CDH22: variants seen among roughly 807,000 people sequenced by gnomAD.
The protein encoded by CDH22 is cadherin 22, also known as cadherin-22.
A neutral mutation model predicts 58.4 loss-of-function variants in CDH22; 30 were observed. That is an observed-to-expected ratio of 0.51 (90% CI 0.38 to 0.70). The LOEUF is 0.70. Among genes scored for constraint, CDH22 ranks in the 30% least tolerant of loss-of-function variants. The pLI is 0.00. For synonymous variants in CDH22, 513 were observed against 558.2 expected (o/e 0.92, Z 1.14); for missense variants, 1,014 against 1,233.9 (o/e 0.82, Z 2.67).
chr20:46,235,921 C>G (rs572887750), intron 3 of CDH22, among the ~76,000 whole-genome samples: 2 of 152,342 alleles, frequency 1.3e-5, no homozygotes, highest in African/African-American at 4.8e-5. Flanking sequence ...CTCTCCATCT[C>G]ACTCAGAGTA....
intron 10 of CDH22, among the ~76,000 whole-genome samples, chr20:46,183,343 C>T (rs2085802165): frequency 6.6e-6 from 1 of 152,196 alleles, no homozygotes; most frequent in Non-Finnish European, 1.5e-5. Context: ...CAGGGTCCTG[C>T]TCCAGGTTTT....
intron 1 of CDH22, among the ~76,000 whole-genome samples, chr20:46,297,405 G>C (rs1471947166): frequency 6.6e-6 from 1 of 151,910 alleles, no homozygotes; most frequent in Non-Finnish European, 1.5e-5. Flanking sequence ...GGGGGCTCAG[G>C]GATGGGATGG....
At chr20:46,264,729 C>A (rs1970838638) in intron 1 of CDH22, among the ~76,000 whole-genome samples, 1 of 152,112 alleles carries the variant, frequency 6.6e-6, no homozygotes, top group South Asian at 2.1e-4. Context: ...TGTCCTTCCC[C>A]CACGCTACTT....
chr20:46,277,579 T>G (rs1165924705), intron 1 of CDH22, among the ~76,000 whole-genome samples: 1 of 148,570 alleles, frequency 6.7e-6, no homozygotes, highest in Non-Finnish European at 1.5e-5. Context: ...TGAAGGTGAG[T>G]GAAAAGGGGT....
At chr20:46,302,203 A>G (rs1293162101) in intron 1 of CDH22, among the ~76,000 whole-genome samples, 2 of 152,206 alleles carry the variant, frequency 1.3e-5, no homozygotes, top group Non-Finnish European at 1.5e-5. Flanking sequence ...CCTGCCTTCA[A>G]GATCTTCTCA....
chr20:46,285,075 G>A (rs911710893), intron 1 of CDH22, among the ~76,000 whole-genome samples: 3 of 152,008 alleles, frequency 2.0e-5, no homozygotes, highest in South Asian at 2.1e-4. Context: ...CTTCTCTTTC[G>A]CCCCTGTACC....
chr20:46,243,722 A>G (rs2086309124), intron 2 of CDH22, among the ~76,000 whole-genome samples: 1 of 152,116 alleles, frequency 6.6e-6, no homozygotes, highest in Admixed American at 6.5e-5. Context: ...GGGTGCCTCT[A>G]CCTGCTTCCC....
chr20:46,212,928 C>G, intron 6 of CDH22, 67 bp downstream of exon 6: 1 of 1,393,370 alleles, frequency 7.2e-7, no homozygotes, highest in Non-Finnish European at 1.0e-6. Context: ...ATTCGGCTGC[C>G]CAGAGGCCTC....
In CDH22 at chr20:46,210,952, T is replaced by A. The variant is rs2086039047; in HGVS notation, c.1033-392A>T. 2.0e-5 allele frequency among the ~76,000 whole-genome samples: 3 copies of A among 152,232 alleles called. No homozygotes were observed. Among genetic ancestry groups the A allele is most frequent in the Admixed American group, 2.0e-4 (3 of 15,284 alleles). On this transcript the variant is annotated intron_variant, in intron 6 of 11. Transcript: ENST00000537909. The surrounding 1 kb of genome is among the most constrained non-coding windows in gnomAD (Gnocchi z 4.5). ...CCCTAAGAGGCTTGTATTCTTATGA[T>A]CTGATCTTACACATGAGGAAAACGA...
At chr20:46,189,517 G>C (rs144244599) in intron 8 of CDH22, among the ~76,000 whole-genome samples, 2,152 of 152,222 alleles carry the variant, frequency 0.014, 54 homozygotes, top group African/African-American at 0.05. Context: ...GGAGAGACAG[G>C]GTCCTATGGG....
intron 1 of CDH22, among the ~76,000 whole-genome samples, chr20:46,305,048 C>T (rs1210742735): frequency 6.6e-6 from 1 of 152,212 alleles, no homozygotes; most frequent in African/African-American, 2.4e-5. Flanking sequence ...CATATAACAG[C>T]CATGCCTCCA....
Position 46,174,510 on chromosome 20 carries a change from G to A in CDH22, c.2483C>T (p.Ser828Phe). 6.6e-7 allele frequency: 1 copy of A among 1,507,218 alleles called. No individual in the cohort carries two copies. 93.4% of individuals were successfully genotyped at this position (1,507,218 alleles called of 1,614,324 possible). ...CCCCGACGGCAGGGCGAGGGGCTAG[G>A]AGGCCTGGGCCTCGTCGTCCCCGCG... ...GHRGDDEAQA[S>F] Residue 828 changes from serine (S) to phenylalanine (F), a missense_variant, in exon 12 of 12, where the codon TCC (serine) becomes TTC (phenylalanine). Physicochemically the swap from Ser to Phe is radical, Grantham distance 155. Coordinates refer to ENST00000537909, the MANE Select transcript of CDH22 (RefSeq NM_021248.3). The surrounding 1 kb of genome is among the most constrained non-coding windows in gnomAD (Gnocchi z 4.4).
At chr20:46,271,700 A>G (rs920943281) in intron 1 of CDH22, among the ~76,000 whole-genome samples, 1 of 152,114 alleles carries the variant, frequency 6.6e-6, no homozygotes, top group Non-Finnish European at 1.5e-5. Flanking sequence ...AGAATATAAA[A>G]CTAAAGAACT....
At chr20:46,246,490 T>C (rs904870939) in intron 2 of CDH22, among the ~76,000 whole-genome samples, 18 of 152,174 alleles carry the variant, frequency 1.2e-4, no homozygotes, top group African/African-American at 4.3e-4. Flanking sequence ...GGGGAAATTA[T>C]AGTTCGGAAA....
intron 8 of CDH22, among the ~76,000 whole-genome samples, chr20:46,193,641 C>T (rs1033038737): frequency 6.6e-6 from 1 of 152,148 alleles, no homozygotes; most frequent in Admixed American, 6.5e-5. Context: ...TGAGCTTCTT[C>T]ACTCACCCCT....
intron 2 of CDH22, among the ~76,000 whole-genome samples, chr20:46,244,595 A>G (rs1012637119): frequency 1.3e-5 from 2 of 152,204 alleles, no homozygotes; most frequent in South Asian, 4.1e-4. Context: ...ATGTATCCCT[A>G]TTTTCCAGGT....
At chr20:46,242,201 A>G (rs1470144744) in intron 2 of CDH22, among the ~76,000 whole-genome samples, 2 of 152,054 alleles carry the variant, frequency 1.3e-5, no homozygotes, top group Non-Finnish European at 2.9e-5. Flanking sequence ...TTCTATCTTT[A>G]TTTTACAGAT....
intron 2 of CDH22, among the ~76,000 whole-genome samples, chr20:46,246,516 T>C (rs1015801585): frequency 6.6e-6 from 1 of 152,108 alleles, no homozygotes; most frequent in Non-Finnish European, 1.5e-5. Flanking sequence ...TTAGTCAGAG[T>C]ACCCAGATTT....
intron 1 of CDH22, among the ~76,000 whole-genome samples, chr20:46,252,241 C>T (rs1027457853): frequency 1.3e-5 from 2 of 152,146 alleles, no homozygotes; most frequent in South Asian, 2.1e-4. Context: ...CTGATGTGCT[C>T]GTACCCCCAC....
Sources: gnomAD v4.1 joint callset for allele counts (sites outside exome capture counted in the v4.1 genomes callset) on GRCh38, gnomAD v4.1.1 for gene constraint, Gnocchi (gnomAD v3.1) non-coding constraint, MANE v1.5 for transcripts, NCBI Gene and HGNC (gene_info 2026-07-23, HGNC 2026-07-21) for gene names.